The following AGPAT3 variants were observed in gnomAD, a reference collection of about 807,000 sequenced individuals.
AGPAT3 encodes the protein 1-acylglycerol-3-phosphate O-acyltransferase 3.
Under a neutral mutation model 47.3 loss-of-function variants are expected in AGPAT3, and 5 were observed. The observed-to-expected ratio is 0.11, with a 90% CI of 0.06 to 0.22. AGPAT3 has a LOEUF of 0.22. AGPAT3 is among the 10% of genes least tolerant of loss of function. The pLI is 1.00. For missense variants in AGPAT3, 315 were observed against 493.0 expected (o/e 0.64, Z 3.42); for synonymous variants, 212 against 208.3 (o/e 1.02, Z -0.15).
chr21:43,891,398 C>T (rs1379700914), intron 1 of AGPAT3, among the ~76,000 whole-genome samples: 2 of 152,186 alleles, frequency 1.3e-5, no homozygotes, highest in Non-Finnish European at 2.9e-5. Context: ...CTTTGGGAGG[C>T]TGAGGTGGGC....
chr21:43,865,582 C>T (rs2085486418), intron 1 of AGPAT3, among the ~76,000 whole-genome samples: 1 of 149,916 alleles, frequency 6.7e-6, no homozygotes, highest in African/African-American at 2.4e-5. Flanking sequence ...CCCGCAACCC[C>T]GGCCTCCCCG....
chr21:43,958,553 T>C (rs575280996), intron 2 of AGPAT3, among the ~76,000 whole-genome samples: 6 of 151,584 alleles, frequency 4.0e-5, no homozygotes, highest in African/African-American at 1.5e-4. Flanking sequence ...GTTTGTGGTG[T>C]GTGTGGTGCG....
intron 2 of AGPAT3, among the ~76,000 whole-genome samples, chr21:43,919,145 T>C (rs1452544348): frequency 6.6e-6 from 1 of 152,144 alleles, no homozygotes; most frequent in Non-Finnish European, 1.5e-5. Flanking sequence ...TCACAAAAGT[T>C]TACCGGTGTC....
chr21:43,907,724 A>G (rs1007780696), intron 2 of AGPAT3, among the ~76,000 whole-genome samples: 1 of 152,116 alleles, frequency 6.6e-6, no homozygotes, highest in Non-Finnish European at 1.5e-5. Context: ...CTCAACAACA[A>G]CAACAACAAA....
intron 2 of AGPAT3, among the ~76,000 whole-genome samples, chr21:43,951,050 G>A (rs963990806): frequency 2.4e-4 from 37 of 152,300 alleles, no homozygotes; most frequent in African/African-American, 6.3e-4. Context: ...CTCCTCCAGC[G>A]TCTGCTGACA....
At chr21:43,904,078 GT>G (rs1299936265) in intron 2 of AGPAT3, 59 bp downstream of exon 2, 5 of 124,112 alleles carry the variant, frequency 4.0e-5, no homozygotes, top group Non-Finnish European at 8.0e-5. Context: ...GTGTGTGTGT[GT>G]GTGTGTGTGT....
chr21:43,960,634 G>A (rs1049508672), intron 3 of AGPAT3: 6 of 441,336 alleles, frequency 1.4e-5, no homozygotes, highest in African/African-American at 1.1e-4. Flanking sequence ...TTTTATAGTA[G>A]CACAAAACTA....
At chr21:43,875,194 C>T (rs902678246) in intron 1 of AGPAT3, among the ~76,000 whole-genome samples, 2 of 152,160 alleles carry the variant, frequency 1.3e-5, no homozygotes, top group Non-Finnish European at 2.9e-5. Context: ...ATTGGCCAGG[C>T]TGGTTTTGAA....
At chr21:43,931,610 A>ATCG (rs1053060808) in intron 2 of AGPAT3, among the ~76,000 whole-genome samples, 1 of 151,948 alleles carries the variant, frequency 6.6e-6, no homozygotes, top group African/African-American at 2.4e-5. Flanking sequence ...AGGACGCCAC[A>ATCG]TCGGCCCCGT....
intron 2 of AGPAT3, among the ~76,000 whole-genome samples, chr21:43,936,380 G>A (rs773791658): frequency 6.6e-6 from 1 of 152,254 alleles, no homozygotes; most frequent in Admixed American, 6.5e-5. Flanking sequence ...TGCAGCGTTC[G>A]TCTGTCTGAG....
chr21:43,931,726 G>T (rs556062829), intron 2 of AGPAT3, among the ~76,000 whole-genome samples: 5 of 152,064 alleles, frequency 3.3e-5, no homozygotes, highest in Non-Finnish European at 7.4e-5. Context: ...TGCAGCTCCC[G>T]TTCATCAGAA....
At chr21:43,895,646 G>C (rs2086199636) in intron 1 of AGPAT3, among the ~76,000 whole-genome samples, 1 of 151,798 alleles carries the variant, frequency 6.6e-6, no homozygotes, top group African/African-American at 2.4e-5. Flanking sequence ...GGAGTGCAGT[G>C]GTGCGATCTT....
chr21:43,926,636 CTTTTTTT>C (rs557494803), intron 2 of AGPAT3, among the ~76,000 whole-genome samples: 28,604 of 86,116 alleles, frequency 0.33, 4,956 homozygotes, highest in East Asian at 0.5. Flanking sequence ...CTACGCTGGC[CTTTTTTT>C]TTTTTTTTTT....
At chr21:43,938,888 G>A (rs999463634) in intron 2 of AGPAT3, among the ~76,000 whole-genome samples, 1 of 152,198 alleles carries the variant, frequency 6.6e-6, no homozygotes. Flanking sequence ...AAGCCTTGTG[G>A]GGGGAAGGAG....
intron 2 of AGPAT3, among the ~76,000 whole-genome samples, chr21:43,959,080 T>TGG (rs1569091700): frequency 1.6e-4 from 9 of 55,770 alleles, no homozygotes; most frequent in Non-Finnish European, 3.3e-4. Context: ...GTGTGTGGTT[T>TGG]GTGGTGTGTG....
intron 1 of AGPAT3, among the ~76,000 whole-genome samples, chr21:43,887,691 G>A (rs2086011905): frequency 6.6e-6 from 1 of 152,194 alleles, no homozygotes; most frequent in African/African-American, 2.4e-5. Context: ...GTTTCGCTCT[G>A]TCACGCAGGC....
At chr21:43,885,136 C>G (rs1234848727) in intron 1 of AGPAT3, among the ~76,000 whole-genome samples, 4 of 152,244 alleles carry the variant, frequency 2.6e-5, no homozygotes, top group Non-Finnish European at 4.4e-5. Context: ...CACCCTGCGG[C>G]TAGACCTCAA....
chr21:43,971,922 C>T (rs1056355071), intron 7 of AGPAT3, among the ~76,000 whole-genome samples: 12 of 152,154 alleles, frequency 7.9e-5, no homozygotes, highest in Non-Finnish European at 1.5e-4. Context: ...CTGGGGCCCA[C>T]AGTCACACGA....
chr21:43,905,140 C>CTT (rs199511441), intron 2 of AGPAT3, among the ~76,000 whole-genome samples: 36 of 148,972 alleles, frequency 2.4e-4, no homozygotes, highest in Admixed American at 5.4e-4. Context: ...TTTAGTGTCT[C>CTT]TTTTTTTAAA....
Sources: allele counts gnomAD v4.1 joint callset (sites outside exome capture counted in the v4.1 genomes callset), GRCh38; gene constraint gnomAD v4.1.1; transcripts MANE v1.5; gene names NCBI Gene and HGNC (gene_info 2026-07-23, HGNC 2026-07-21).